The following FNDC3A variants were observed in gnomAD, a reference collection of about 807,000 sequenced individuals.
FNDC3A encodes the protein fibronectin type-III domain-containing protein 3A.
In FNDC3A, 32 loss-of-function variants were observed where a neutral mutation model predicts 148.9. The ratio of observed to expected loss-of-function variants is 0.21; its 90% CI spans 0.16 to 0.29. The LOEUF is 0.29. Among genes scored for constraint, FNDC3A ranks in the 10% least tolerant of loss-of-function variants. The pLI, the probability that FNDC3A is intolerant of heterozygous loss-of-function variation, is 1.00. For synonymous variants in FNDC3A, 472 were observed against 473.6 expected (o/e 1.00, Z 0.04); for missense variants, 1,191 against 1,452.8 (o/e 0.82, Z 2.93).
At chr13:48,997,366 A>G (rs1422489993) in intron 1 of FNDC3A, among the ~76,000 whole-genome samples, 1 of 152,208 alleles carries the variant, frequency 6.6e-6, no homozygotes, top group Non-Finnish European at 1.5e-5. Context: ...GTATAAGGAA[A>G]CAAGAACAGA....
chr13:49,110,419 G>C, intron 3 of FNDC3A: 1 of 1,516,380 alleles, frequency 6.6e-7, no homozygotes, highest in African/African-American at 1.4e-5. Flanking sequence ...AAGATTTGCT[G>C]TTTTCGAACA....
At chr13:49,194,544 T>C (rs976219621) in intron 19 of FNDC3A, among the ~76,000 whole-genome samples, 2 of 151,974 alleles carry the variant, frequency 1.3e-5, no homozygotes, top group African/African-American at 4.8e-5. Context: ...GGTTTGTTTG[T>C]TTTTTTTCAT....
At chr13:49,147,204 A>G (rs992080647) in intron 8 of FNDC3A, among the ~76,000 whole-genome samples, 23 of 152,208 alleles carry the variant, frequency 1.5e-4, no homozygotes, top group African/African-American at 5.5e-4. Flanking sequence ...TTACTATGTT[A>G]ATGACTGTTT....
chr13:49,044,780 A>G, intron 2 of FNDC3A: 1 of 429,742 alleles, frequency 2.3e-6, no homozygotes, highest in Non-Finnish European at 4.7e-6. Context: ...GGCAGAAGTC[A>G]GGAAAAGTGC....
intron 6 of FNDC3A, among the ~76,000 whole-genome samples, chr13:49,138,534 G>A (rs185343021): frequency 6.6e-6 from 1 of 152,004 alleles, no homozygotes; most frequent in African/African-American, 2.4e-5. Context: ...GTATATAGTG[G>A]TGTTATAATT....
At position 49,131,372 on chromosome 13, in the gene FNDC3A, T is replaced by C; in HGVS notation, c.488T>C (p.Val163Ala). The change falls in exon 5 of 26, where the codon GTA becomes GCA. Residue 163 changes from valine to alanine, a missense_variant and splice_region_variant. This residue lies in a region of FNDC3A where 426 missense variants were observed against 473.2 expected (regional missense o/e 0.90). Transcript: ENST00000492622. Reference sequence around the variant, plus strand: ...CAGTCTTCACAAGTCTATGGAGATGTAGGTAAGACATCTAAAAGTATTCCA... The same window carrying C: ...CAGTCTTCACAAGTCTATGGAGATGCAGGTAAGACATCTAAAAGTATTCCA... ...QYQSSQVYGD[V>A]DAHSTHGRSN... 6.3e-7 allele frequency: 1 copy of C among 1,593,628 alleles called. No homozygotes were observed. Among genetic ancestry groups the C allele is most frequent in the Non-Finnish European group, 8.6e-7 (1 of 1,161,372 alleles).
At chr13:49,019,934 A>ACTTAGG (rs1381360342) in intron 2 of FNDC3A, among the ~76,000 whole-genome samples, 1 of 152,178 alleles carries the variant, frequency 6.6e-6, no homozygotes, top group African/African-American at 2.4e-5. Context: ...GTTCAGTGAA[A>ACTTAGG]TCTTCTGAAC....
intron 1 of FNDC3A, among the ~76,000 whole-genome samples, chr13:48,989,754 CTTT>C (rs35947839): frequency 2.8e-5 from 4 of 143,730 alleles, no homozygotes; most frequent in Non-Finnish European, 3.1e-5. Context: ...TTAAAGATAA[CTTT>C]TTTTTTTTTT....
chr13:48,994,697 G>A (rs1332221716), intron 1 of FNDC3A, among the ~76,000 whole-genome samples: 1 of 151,966 alleles, frequency 6.6e-6, no homozygotes, highest in Non-Finnish European at 1.5e-5. Flanking sequence ...AGAATTGCTT[G>A]AACCTGGGAA....
chr13:49,078,677 C>A (rs931534845), intron 3 of FNDC3A, among the ~76,000 whole-genome samples: 10 of 152,168 alleles, frequency 6.6e-5, no homozygotes, highest in Non-Finnish European at 1.3e-4. Context: ...CAAGAGAAGA[C>A]AAGAAAAGAC....
chr13:49,016,854 T>G (rs1872831294), intron 2 of FNDC3A, among the ~76,000 whole-genome samples: 2 of 151,862 alleles, frequency 1.3e-5, no homozygotes, highest in South Asian at 4.2e-4. Context: ...TTCATTTCGT[T>G]ATGTACCCAG....
intron 4 of FNDC3A, among the ~76,000 whole-genome samples, chr13:49,125,682 A>G (rs969777788): frequency 6.6e-6 from 1 of 152,200 alleles, no homozygotes; most frequent in Non-Finnish European, 1.5e-5. Context: ...ACAAATAACT[A>G]TTAGAGCATC....
chr13:49,151,774 T>C (rs1393009193), intron 8 of FNDC3A, among the ~76,000 whole-genome samples: 2 of 152,136 alleles, frequency 1.3e-5, no homozygotes, highest in African/African-American at 4.8e-5. Flanking sequence ...TTCCCGGCCC[T>C]GTGTCCAAGT....
At chr13:49,011,790 G>A (rs767361764) in intron 2 of FNDC3A, among the ~76,000 whole-genome samples, 4 of 151,898 alleles carry the variant, frequency 2.6e-5, no homozygotes, top group Non-Finnish European at 4.4e-5. Flanking sequence ...GAGCAAGACC[G>A]TGTCTCAAAA....
intron 1 of FNDC3A, among the ~76,000 whole-genome samples, chr13:48,981,742 A>G (rs891957975): frequency 6.6e-5 from 10 of 152,212 alleles, no homozygotes; most frequent in African/African-American, 9.6e-5. Context: ...ACAAAGTGCA[A>G]TGTATACTTT....
intron 10 of FNDC3A, among the ~76,000 whole-genome samples, chr13:49,169,619 A>G (rs1438974091): frequency 3.9e-5 from 6 of 152,186 alleles, no homozygotes; most frequent in East Asian, 1.9e-4. Context: ...AGAATGGGGT[A>G]CCACTCCTGT....
Position 49,208,474 on chromosome 13 carries a change from C to A in FNDC3A, c.*1079C>A, listed in dbSNP as rs1886753782. The stretch of plus-strand genomic sequence containing the variant: ...GCACCAGTAAACTTCAAGCTGCTTT[C>A]TTTCTTGAAAACTAAACGTTTAACG... On this transcript the variant is annotated 3_prime_UTR_variant, in exon 26 of 26. Transcript: ENST00000492622. The A allele has an allele frequency of 6.6e-6, 1 of 152,622 alleles. No homozygotes were observed. Among genetic ancestry groups the A allele is most frequent in the Non-Finnish European group, 1.5e-5 (1 of 68,014 alleles). 9.5% of individuals were successfully genotyped at this position (152,622 alleles called of 1,614,324 possible).
At chr13:49,025,688 C>T (rs551892115) in intron 2 of FNDC3A, among the ~76,000 whole-genome samples, 1 of 151,886 alleles carries the variant, frequency 6.6e-6, no homozygotes, top group South Asian at 2.1e-4. Context: ...ATTAATTGGA[C>T]TTATTAAAAG....
chr13:49,000,875 A>G (rs945983579), intron 1 of FNDC3A, among the ~76,000 whole-genome samples: 3 of 151,946 alleles, frequency 2.0e-5, no homozygotes, highest in African/African-American at 7.3e-5. Context: ...TTTCATTGTT[A>G]TATATAGAAA....
Sources: allele counts gnomAD v4.1 joint callset (sites outside exome capture counted in the v4.1 genomes callset), GRCh38; gene constraint gnomAD v4.1.1; regional missense constraint gnomAD v4.1.1; transcripts MANE v1.5; gene names NCBI Gene and HGNC (gene_info 2026-07-23, HGNC 2026-07-21).